SGMS1: variants seen among roughly 807,000 people sequenced by gnomAD.
The protein encoded by SGMS1 is phosphatidylcholine:ceramide cholinephosphotransferase 1.
Under a neutral mutation model 46.2 loss-of-function variants are expected in SGMS1, and 13 were observed. That is an observed-to-expected ratio of 0.28 (90% CI 0.18 to 0.45). The LOEUF (loss-of-function observed/expected upper bound fraction) is 0.45. Among genes scored for constraint, SGMS1 ranks in the 20% least tolerant of loss-of-function variants. SGMS1 has a pLI of 1.00. For synonymous variants in SGMS1, 203 were observed against 187.8 expected, an observed-to-expected ratio of 1.08 and a Z score of -0.66; for missense variants, 324 against 519.9, an observed-to-expected ratio of 0.62 and a Z score of 3.66.
At chr10:50,598,174 G>A (rs1469323277) in intron 1 of SGMS1, among the ~76,000 whole-genome samples, 1 of 151,566 alleles carries the variant, frequency 6.6e-6, no homozygotes, top group Non-Finnish European at 1.5e-5. Context: ...TGAGCAGGGA[G>A]CCCTCATGAT....
At chr10:50,588,110 C>G (rs929102406) in intron 2 of SGMS1, among the ~76,000 whole-genome samples, 1 of 152,062 alleles carries the variant, frequency 6.6e-6, no homozygotes, top group African/African-American at 2.4e-5. Context: ...CATACAGAGG[C>G]CAAAGAATAA....
intron 6 of SGMS1, among the ~76,000 whole-genome samples, chr10:50,375,028 G>A (rs1848502653): frequency 6.6e-6 from 1 of 152,092 alleles, no homozygotes; most frequent in Non-Finnish European, 1.5e-5. Flanking sequence ...CAGAACTCAG[G>A]ACAGAGGGAA....
intron 3 of SGMS1, among the ~76,000 whole-genome samples, chr10:50,469,235 T>A (rs1421249352): frequency 6.6e-6 from 1 of 152,230 alleles, no homozygotes; most frequent in African/African-American, 2.4e-5. Flanking sequence ...CATTCACTAT[T>A]TTCCAGTTTC....
At chr10:50,473,424 T>C (rs1173869910) in intron 3 of SGMS1, among the ~76,000 whole-genome samples, 1 of 152,228 alleles carries the variant, frequency 6.6e-6, no homozygotes, top group Admixed American at 6.5e-5. Context: ...TTAATTTCCT[T>C]TTAAAATACT....
intron 2 of SGMS1, among the ~76,000 whole-genome samples, chr10:50,542,304 A>C (rs1347063123): frequency 2.0e-5 from 3 of 152,222 alleles, no homozygotes; most frequent in Non-Finnish European, 4.4e-5. Flanking sequence ...TATTTTTAAA[A>C]ATTCAAAAAA....
chr10:50,326,993 C>CCACACACAAACTAG (rs2133313641), intron 8 of SGMS1, among the ~76,000 whole-genome samples: 1 of 55,060 alleles, frequency 1.8e-5, no homozygotes, highest in South Asian at 6.1e-4. Context: ...TAACTGCTTC[C>CCACACACAAACTAG]AACACACATT....
intron 3 of SGMS1, among the ~76,000 whole-genome samples, chr10:50,514,219 G>T: frequency 6.6e-6 from 1 of 152,128 alleles, no homozygotes. Context: ...ACTCATAAAA[G>T]GGCGAGGAGA....
At chr10:50,534,852 A>C (rs1837985791) in intron 2 of SGMS1, among the ~76,000 whole-genome samples, 1 of 152,238 alleles carries the variant, frequency 6.6e-6, no homozygotes. Flanking sequence ...TTTCTTGTTT[A>C]GTTTTGTATC....
intron 2 of SGMS1, among the ~76,000 whole-genome samples, chr10:50,584,208 AAAG>A (rs1838460690): frequency 6.6e-6 from 1 of 152,130 alleles, no homozygotes. Context: ...TCTTCCTCCT[AAAG>A]AAGATTGGCT....
At chr10:50,521,045 AT>A (rs1002836045) in intron 2 of SGMS1, among the ~76,000 whole-genome samples, 31 of 148,728 alleles carry the variant, frequency 2.1e-4, no homozygotes, top group Non-Finnish European at 1.5e-5. Flanking sequence ...TGCCCAGTTG[AT>A]TTTTTTTTTA....
chr10:50,347,431 A>C (rs924255084), intron 6 of SGMS1, among the ~76,000 whole-genome samples: 1 of 152,334 alleles, frequency 6.6e-6, no homozygotes, highest in East Asian at 1.9e-4. Context: ...CTTAAAAACC[A>C]CCGTAAAGAA....
At chr10:50,359,518 G>A (rs747344962) in intron 6 of SGMS1, among the ~76,000 whole-genome samples, 14 of 152,096 alleles carry the variant, frequency 9.2e-5, no homozygotes, top group African/African-American at 3.4e-4. Flanking sequence ...GTTCACTGAG[G>A]ATATGAAATA....
intron 7 of SGMS1, chr10:50,341,472 T>A (rs1847820450): frequency 6.6e-6 from 3 of 455,802 alleles, no homozygotes; most frequent in Non-Finnish European, 1.3e-5. Flanking sequence ...AGGACTTAGT[T>A]GGATGCATTC....
intron 6 of SGMS1, among the ~76,000 whole-genome samples, chr10:50,420,443 C>T (rs1476645975): frequency 6.6e-6 from 1 of 152,166 alleles, no homozygotes; most frequent in Admixed American, 6.5e-5. Flanking sequence ...CTCAACACAT[C>T]ATCATCATCA....
At chr10:50,508,603 G>C (rs911886967) in intron 3 of SGMS1, among the ~76,000 whole-genome samples, 3 of 152,148 alleles carry the variant, frequency 2.0e-5, no homozygotes, top group African/African-American at 7.2e-5. Context: ...TTAAGTAAAG[G>C]ATCTCCAACA....
chr10:50,608,741 G>A (rs1190913627), intron 1 of SGMS1, among the ~76,000 whole-genome samples: 1 of 152,178 alleles, frequency 6.6e-6, no homozygotes, highest in East Asian at 1.9e-4. Flanking sequence ...AAAATTGCCT[G>A]TGAAGGAGAC....
intron 6 of SGMS1, among the ~76,000 whole-genome samples, chr10:50,399,721 A>C (rs574068936): frequency 6.6e-6 from 1 of 152,270 alleles, no homozygotes; most frequent in South Asian, 2.1e-4. Context: ...GGGGGAGAGA[A>C]CTTCCCATCA....
intron 2 of SGMS1, among the ~76,000 whole-genome samples, chr10:50,560,340 T>G (rs1398181264): frequency 3.6e-5 from 5 of 137,856 alleles, no homozygotes; most frequent in Non-Finnish European, 7.5e-5. Flanking sequence ...TTATTAATAT[T>G]ATTAATAATA....
At chr10:50,576,502 C>T (rs962542779) in intron 2 of SGMS1, among the ~76,000 whole-genome samples, 1 of 152,190 alleles carries the variant, frequency 6.6e-6, no homozygotes, top group African/African-American at 2.4e-5. Flanking sequence ...CTTCTCATCC[C>T]CCTCCAAAAG....
Sources: allele counts gnomAD v4.1 joint callset (sites outside exome capture counted in the v4.1 genomes callset), GRCh38; gene constraint gnomAD v4.1.1; transcripts MANE v1.5; gene names NCBI Gene and HGNC (gene_info 2026-07-23, HGNC 2026-07-21).